PRKCZ: variants seen among roughly 807,000 people sequenced by gnomAD.
PRKCZ encodes protein kinase C zeta.
PRKCZ carries 33 observed loss-of-function variants against 79.5 expected under a neutral mutation model. The ratio of observed to expected loss-of-function variants is 0.41; its 90% CI spans 0.31 to 0.55. PRKCZ has a LOEUF of 0.55. Among genes scored for constraint, PRKCZ ranks in the 20% least tolerant of loss-of-function variants. PRKCZ has a pLI of 0.19. For synonymous variants in PRKCZ, 342 were observed against 320.9 expected (o/e 1.07, Z -0.70); for missense variants, 578 against 813.5 (o/e 0.71, Z 3.52).
intron 4 of PRKCZ, among the ~76,000 whole-genome samples, chr1:2,093,509 TG>T (rs951759863): frequency 6.6e-6 from 1 of 151,966 alleles, no homozygotes; most frequent in African/African-American, 2.4e-5. Context: ...AAAGGCAGGG[TG>T]GGGGTCTCCT....
intron 4 of PRKCZ, among the ~76,000 whole-genome samples, chr1:2,109,401 C>T (rs150688014): frequency 0.013 from 1,905 of 152,314 alleles, 26 homozygotes; most frequent in African/African-American, 0.035. Context: ...TTGGTGGCCT[C>T]AGTTTTCTCA....
chr1:2,115,294 C>T (rs1317037740), intron 4 of PRKCZ, among the ~76,000 whole-genome samples: 1 of 152,260 alleles, frequency 6.6e-6, no homozygotes, highest in East Asian at 1.9e-4. Flanking sequence ...TCTTGCGAGG[C>T]ACCGGGGTCC....
chr1:2,067,125 G>A lies in PRKCZ; in HGVS notation c.334+7534G>A, dbSNP rs534932986. 2.0e-5 allele frequency among the ~76,000 whole-genome samples: 3 copies of A among 152,258 alleles called. No individual in the cohort carries two copies. In the South Asian group the frequency reaches 6.2e-4, roughly 32 times the overall value. On this transcript the variant is annotated intron_variant, in intron 4 of 17. Coordinates refer to ENST00000378567, the MANE Select transcript of PRKCZ (RefSeq NM_002744.6). ...TTTCTAAGTTCATCTTGATGTGGTT[G>A]GAGAATATACTTTGGATAATGTCTG...
chr1:2,078,737 A>G (rs1662902197), intron 4 of PRKCZ, among the ~76,000 whole-genome samples: 1 of 151,834 alleles, frequency 6.6e-6, no homozygotes, highest in African/African-American at 2.4e-5. Context: ...TTTATGTTAT[A>G]TGCTAGGAGA....
intron 4 of PRKCZ, among the ~76,000 whole-genome samples, chr1:2,059,837 T>C (rs1454729974): frequency 6.6e-6 from 1 of 152,046 alleles, no homozygotes; most frequent in Non-Finnish European, 1.5e-5. Flanking sequence ...AGTCCAGGGG[T>C]GCCCTGCCGT....
intron 4 of PRKCZ, among the ~76,000 whole-genome samples, chr1:2,068,335 C>G (rs1419694748): frequency 6.6e-6 from 1 of 152,240 alleles, no homozygotes; most frequent in African/African-American, 2.4e-5. Context: ...CAGACCCAGG[C>G]CAAGGTGTGG....
rs749865013 is a variant in PRKCZ at position 2,156,097 on chromosome 1, GA to G, written c.974+10del. On this transcript the variant is annotated splice_donor_region_variant and intron_variant, in intron 10 of 17. Transcript: ENST00000378567. ...CTGCTTCCAGACGACAAGTCGGTAAGAAAAAGAAGGGTATTTCTGATATTCT... is the reference window on the plus strand; with the variant it reads ...CTGCTTCCAGACGACAAGTCGGTAAGAAAAGAAGGGTATTTCTGATATTCT... 6.2e-7 allele frequency: 1 copy of G among 1,604,568 alleles called. No homozygotes were observed. The highest frequency in any genetic ancestry group is 2.2e-5 in the East Asian group (1 of 44,808).
At chr1:2,095,307 A>C (rs1319373037) in intron 4 of PRKCZ, among the ~76,000 whole-genome samples, 1 of 151,998 alleles carries the variant, frequency 6.6e-6, no homozygotes, top group East Asian at 1.9e-4. Context: ...TCCTGAGCTC[A>C]CCATGGTTTT....
chr1:2,126,970 G>A (rs1674034442), intron 4 of PRKCZ, among the ~76,000 whole-genome samples: 1 of 152,244 alleles, frequency 6.6e-6, no homozygotes, highest in African/African-American at 2.4e-5. Context: ...GGGGGTCCGT[G>A]TGTCCCACGT....
Position 2,061,859 on chromosome 1 carries a change from A to G in PRKCZ, c.334+2268A>G, listed in dbSNP as rs533170794. Among the ~76,000 whole-genome samples, 6 of 152,318 alleles carry G rather than the reference A, an allele frequency of 3.9e-5. No homozygotes were observed. In the East Asian group the frequency reaches 1.2e-3, roughly 29 times the overall value. ...TCTGACTGTGGTGCTCATCTCAGAC[A>G]GGACACCCTGCTCTGGTTGCCAGTG... On this transcript the variant is annotated intron_variant, in intron 4 of 17. Coordinates refer to ENST00000378567, the MANE Select transcript of PRKCZ (RefSeq NM_002744.6).
chr1:2,074,457 C>T lies in PRKCZ; in HGVS notation c.334+14866C>T, dbSNP rs1375512429. Reference sequence around the variant, plus strand: ...GTCTGTGGGTCTGTCGGGGCCAGGACGGATGGCCGCTTCGTCTCCATTCTG... The same window carrying T: ...GTCTGTGGGTCTGTCGGGGCCAGGATGGATGGCCGCTTCGTCTCCATTCTG... On this transcript the variant is annotated intron_variant, in intron 4 of 17. Transcript: ENST00000378567. Among the ~76,000 whole-genome samples, 5 of 149,746 alleles carry T rather than the reference C, an allele frequency of 3.3e-5. No homozygotes were observed. The East Asian group carries it at 5.8e-4, about 17-fold the overall frequency.
In PRKCZ at chr1:2,128,893, G is replaced by A. The variant is rs1357041683; in HGVS notation, c.335-6369G>A. Among the ~76,000 whole-genome samples the A allele has an allele frequency of 2.6e-5, 4 of 152,150 alleles. No individual in the cohort carries two copies. The highest frequency in any genetic ancestry group is 6.5e-5 in the Admixed American group (1 of 15,278). ...GTGCCAGGCCCACAGCCTCCTCGCC[G>A]GTAGTATCTGGGGGCCAGGGGCCGT... On this transcript the variant is annotated intron_variant, in intron 4 of 17. Coordinates refer to ENST00000378567, the MANE Select transcript of PRKCZ (RefSeq NM_002744.6). The surrounding 1 kb of genome is among the most constrained non-coding windows in gnomAD (Gnocchi z 6.5).
chr1:2,166,515 G>A (rs1377455454), intron 10 of PRKCZ, among the ~76,000 whole-genome samples: 3 of 152,330 alleles, frequency 2.0e-5, no homozygotes, highest in Admixed American at 6.5e-5. Flanking sequence ...CATGAGAGGA[G>A]CGTTAATGCC....
chr1:2,086,869 C>T (rs1664622574), intron 4 of PRKCZ, among the ~76,000 whole-genome samples: 1 of 152,204 alleles, frequency 6.6e-6, no homozygotes, highest in Admixed American at 6.5e-5. Context: ...GCATCGTCAC[C>T]AGGGCAGCAG....
chr1:2,166,646 G>A (rs2103427665), intron 10 of PRKCZ, among the ~76,000 whole-genome samples: 1 of 151,370 alleles, frequency 6.6e-6, no homozygotes. Flanking sequence ...TGGCGAGTGT[G>A]GCTACCAGGA....
chr1:2,183,270 C>G lies in PRKCZ; in HGVS notation c.1576-1313C>G, dbSNP rs191747571. Among the ~76,000 whole-genome samples the G allele has an allele frequency of 7.4e-3, 1,119 of 151,940 alleles. 15 individuals are homozygous for G. The highest frequency in any genetic ancestry group is 0.024 in the African/African-American group (1,011 of 41,378). ...AATTAGCTGGGCATGGTGGTGCATG[C>G]CTGTAGTCCCGGCTACTCAGGAGAC... is the stretch of plus-strand genomic sequence containing the variant. On this transcript the variant is annotated intron_variant, in intron 16 of 17. Transcript: ENST00000378567.
chr1:2,090,207 G>C (rs369503741), intron 4 of PRKCZ, among the ~76,000 whole-genome samples: 15 of 152,208 alleles, frequency 9.9e-5, no homozygotes, highest in Non-Finnish European at 1.6e-4. Context: ...GGGTCAGGAC[G>C]GCAGCTTGGA....
chr1:2,078,126 C>T (rs1662782204), intron 4 of PRKCZ, among the ~76,000 whole-genome samples: 1 of 152,256 alleles, frequency 6.6e-6, no homozygotes, highest in South Asian at 2.1e-4. Context: ...ACACAACATG[C>T]CGTGGGGCTT....
At chr1:2,071,183 G>A (rs557823730) in intron 4 of PRKCZ, 7 of 248,294 alleles carry the variant, frequency 2.8e-5, no homozygotes, top group Admixed American at 1.1e-4. Context: ...CCCGTGCCCC[G>A]TGCCTCAGTT....
Sources: gnomAD v4.1 joint callset for allele counts (sites outside exome capture counted in the v4.1 genomes callset) on GRCh38, gnomAD v4.1.1 for gene constraint, Gnocchi (gnomAD v3.1) non-coding constraint, MANE v1.5 for transcripts, NCBI Gene and HGNC (gene_info 2026-07-23, HGNC 2026-07-21) for gene names.